The following USP9X variants were observed in gnomAD, a reference collection of about 807,000 sequenced individuals.
The protein encoded by USP9X is ubiquitin specific peptidase 9 X-linked, also known as ubiquitin carboxyl-terminal hydrolase 9X.
In USP9X, 7 loss-of-function variants were observed where a neutral mutation model predicts 190.3. The observed-to-expected ratio is 0.04, with a 90% CI of 0.02 to 0.07. The LOEUF is 0.07. Ranked by LOEUF, USP9X falls within the 10% of genes least tolerant of loss-of-function variation. The probability of loss-of-function intolerance (pLI) is 1.00; values close to 1 mark genes in which losing one functional copy is unlikely to be tolerated. For synonymous variants in USP9X, 645 were observed against 659.5 expected, an observed-to-expected ratio of 0.98 and a Z score of 0.34; for missense variants, 1,010 against 1,916.9, an observed-to-expected ratio of 0.53 and a Z score of 8.83.
chrX:41,211,565 C>T (rs2063157643), intron 33 of USP9X, among the ~76,000 whole-genome samples: 1 of 113,391 alleles, frequency 8.8e-6, no homozygotes, highest in African/African-American at 3.2e-5. Context: ...AAGATTTTAC[C>T]CCCGTCCGGG....
chrX:41,190,810 A>G (rs1294001146), intron 26 of USP9X, among the ~76,000 whole-genome samples: 1 of 111,613 alleles, frequency 9.0e-6, no homozygotes. Context: ...ACTTGCATGC[A>G]GTGCGGTAAT....
At chrX:41,219,327 T>G (rs773068170) in intron 38 of USP9X, 96 bp downstream of exon 38, 1 of 903,234 alleles carries the variant, frequency 1.1e-6, no homozygotes, top group East Asian at 3.5e-5. Flanking sequence ...TGATCTGAAG[T>G]AGAAACAATT....
intron 21 of USP9X, among the ~76,000 whole-genome samples, chrX:41,174,823 C>T (rs887197241): frequency 4.5e-5 from 5 of 111,013 alleles, no homozygotes; most frequent in East Asian, 5.6e-4. Flanking sequence ...GGCATAACCC[C>T]GTCTCTACTA....
intron 14 of USP9X, among the ~76,000 whole-genome samples, chrX:41,160,579 C>T (rs776856219): frequency 9.0e-6 from 1 of 111,284 alleles, no homozygotes; most frequent in Non-Finnish European, 1.9e-5. Flanking sequence ...AGTTACATAG[C>T]CTCAAAGTCT....
Position 41,132,178 on chromosome X carries a change from A to G in USP9X, c.322+642A>G, listed in dbSNP as rs184659586. Among the ~76,000 whole-genome samples the G allele has an allele frequency of 7.2e-5, 8 of 111,040 alleles. No homozygotes were observed. The East Asian group carries it at 2.2e-3, about 31-fold the overall frequency. On this transcript the variant is annotated intron_variant, in intron 4 of 44. Transcript: ENST00000378308. ...AAGATAGGGTCTTGCTTTGTCACCC[A>G]GGCTGGAGTGTGGCGATGTGATCAT... is the stretch of plus-strand genomic sequence containing the variant.
intron 14 of USP9X, among the ~76,000 whole-genome samples, chrX:41,158,353 C>A (rs924233420): frequency 8.1e-5 from 9 of 111,286 alleles, no homozygotes; most frequent in African/African-American, 2.9e-4. Context: ...TCTTCCTGCA[C>A]AAGGAAACCC....
intron 2 of USP9X, among the ~76,000 whole-genome samples, chrX:41,126,688 GAAAC>G (rs1434233988): frequency 9.0e-6 from 1 of 111,288 alleles, no homozygotes; most frequent in African/African-American, 3.3e-5. Flanking sequence ...ACAAAGGAAT[GAAAC>G]AAATTACATT....
intron 1 of USP9X, among the ~76,000 whole-genome samples, chrX:41,095,009 C>G (rs530880655): frequency 9.3e-6 from 1 of 107,478 alleles, no homozygotes; most frequent in South Asian, 4.1e-4. Flanking sequence ...TACTGCACTC[C>G]GTCTAGCCTG....
chrX:41,141,512 G>A (rs1421680691), intron 9 of USP9X, 81 bp downstream of exon 9: 8 of 934,314 alleles, frequency 8.6e-6, no homozygotes, highest in African/African-American at 6.1e-5. Flanking sequence ...AAAAAAATTA[G>A]TAATAGTAAC....
At position 41,196,078 on chromosome X, in the gene USP9X, T is replaced by C. The variant is rs893608012; in HGVS notation, c.3978-173T>C. 5.1e-5 allele frequency: 27 copies of C among 531,313 alleles called. No homozygotes were observed. In the East Asian group the frequency reaches 5.1e-4, roughly 10 times the overall value. The allele number at this position is 531,313 out of a possible 1,213,427, so 43.8% of individuals were successfully genotyped here. On this transcript the variant is annotated intron_variant, in intron 26 of 44. Transcript: ENST00000378308. ...ACATAGAGCTTAAGTTCATGTATTA[T>C]GTGGTGTTGGCTTGAGTGCTTGTTG...
At chrX:41,091,406 A>T (rs1343224692) in intron 1 of USP9X, among the ~76,000 whole-genome samples, 1 of 111,635 alleles carries the variant, frequency 9.0e-6, no homozygotes, top group Non-Finnish European at 1.9e-5. Flanking sequence ...TGCTGTATTG[A>T]TGCTCTATTA....
intron 26 of USP9X, among the ~76,000 whole-genome samples, chrX:41,192,832 A>G (rs974763006): frequency 9.0e-6 from 1 of 111,227 alleles, no homozygotes; most frequent in Non-Finnish European, 1.9e-5. Context: ...GCATACGAGA[A>G]GTATATCAGA....
intron 10 of USP9X, among the ~76,000 whole-genome samples, chrX:41,144,204 A>G (rs1213701689): frequency 1.0e-5 from 1 of 100,425 alleles, no homozygotes; most frequent in Non-Finnish European, 2.0e-5. Flanking sequence ...GTTCTAAAGC[A>G]TTTTATAATG....
At chrX:41,198,425 A>C in intron 29 of USP9X, 103 bp from the exon 30 acceptor site, 1 of 474,430 alleles carries the variant, frequency 2.1e-6, no homozygotes, top group East Asian at 6.3e-5. Context: ...ATGAGATCTT[A>C]AATTCCAATG....
chrX:41,219,055 A>T, intron 37 of USP9X, 47 bp from the exon 38 acceptor site: 1 of 1,175,408 alleles, frequency 8.5e-7, no homozygotes, highest in Admixed American at 2.4e-5. Flanking sequence ...GTAGAAGTAT[A>T]CATATACCTT....
Position 41,193,671 on chromosome X carries a change from A to AT in USP9X, c.3978-2571dup, listed in dbSNP as rs200403843. 7.0e-4 allele frequency among the ~76,000 whole-genome samples: 77 copies of AT among 109,730 alleles called. 1 individual carries two copies. The highest frequency in any genetic ancestry group is 5.5e-3 in the Admixed American group (57 of 10,272). On this transcript the variant is annotated intron_variant, in intron 26 of 44. Transcript: ENST00000378308. ...AGAACGAGACCCAGTCTCAAAAAAA[A>AT]TTTTTTTTTAGCTGGATGTGGTAGC...
chrX:41,108,299 A>G (rs766429488), intron 1 of USP9X, among the ~76,000 whole-genome samples: 2 of 111,677 alleles, frequency 1.8e-5, no homozygotes, highest in African/African-American at 6.5e-5. Context: ...TGTTGGTATC[A>G]CATGCACATA....
At chrX:41,148,263 C>T in intron 11 of USP9X, 106 bp from the exon 12 acceptor site, 4 of 803,554 alleles carry the variant, frequency 5.0e-6, no homozygotes, top group Non-Finnish European at 7.3e-6. Flanking sequence ...TCATTCTGTG[C>T]TTAGCTACGT....
intron 29 of USP9X, 133 bp downstream of exon 29, chrX:41,197,643 C>A: frequency 1.7e-6 from 1 of 584,006 alleles, no homozygotes; most frequent in Non-Finnish European, 2.5e-6. Flanking sequence ...GAATCTTTAT[C>A]AAATTTACAG....
Sources: allele counts gnomAD v4.1 joint callset (sites outside exome capture counted in the v4.1 genomes callset), GRCh38; gene constraint gnomAD v4.1.1; transcripts MANE v1.5; gene names NCBI Gene and HGNC (gene_info 2026-07-23, HGNC 2026-07-21).